The following CUL2 variants were observed in gnomAD, a reference collection of about 807,000 sequenced individuals.
CUL2 encodes the protein cullin 2.
Under a neutral mutation model 110.2 loss-of-function variants are expected in CUL2, and 22 were observed. The observed-to-expected ratio is 0.20, with a 90% CI of 0.14 to 0.28. CUL2 has a LOEUF of 0.28. Ranked by LOEUF, CUL2 falls within the 10% of genes least tolerant of loss-of-function variation. The pLI is 1.00. For missense variants in CUL2, 631 were observed against 905.5 expected (o/e 0.70, Z 3.89); for synonymous variants, 279 against 293.2 (o/e 0.95, Z 0.49).
intron 4 of CUL2, among the ~76,000 whole-genome samples, chr10:35,057,621 C>T (rs2086271607): frequency 6.7e-6 from 1 of 149,488 alleles, no homozygotes; most frequent in African/African-American, 2.5e-5. Context: ...CCACTGCACT[C>T]CAGCCTGGGC....
At chr10:35,015,550 T>C (rs550546969) in intron 18 of CUL2, among the ~76,000 whole-genome samples, 1 of 152,254 alleles carries the variant, frequency 6.6e-6, no homozygotes, top group South Asian at 2.1e-4. Context: ...AGCACAATAA[T>C]TTGAAGGAGA....
At chr10:35,120,184 G>A (rs920925014) in intron 1 of CUL2, 1 of 152,176 alleles carries the variant, frequency 6.6e-6, no homozygotes. Flanking sequence ...GAGTGAATCT[G>A]TACACAGAAA....
chr10:35,112,208 A>G (rs914462430), intron 1 of CUL2, among the ~76,000 whole-genome samples: 2 of 152,224 alleles, frequency 1.3e-5, no homozygotes. Context: ...AAATTTGTTG[A>G]ACTCTCGTCT....
chr10:35,045,545 CA>C lies in CUL2; in HGVS notation c.507-678del, dbSNP rs35223623. On this transcript the variant is annotated intron_variant, in intron 6 of 20. Transcript: ENST00000374749. ...CTGGGCAACATAGCAAGACCCCATA[CA>C]AAAAAAAAAAAAAAACAACTTAGCT... 2.5e-3 allele frequency among the ~76,000 whole-genome samples: 221 copies of C among 88,472 alleles called. 2 individuals carry two copies. The highest frequency in any genetic ancestry group is 0.011 in the South Asian group (29 of 2,524). 58.0% of individuals were successfully genotyped at this position (88,472 alleles called of 152,430 possible).
intron 1 of CUL2, among the ~76,000 whole-genome samples, chr10:35,075,635 AACACACACACACACACACACACAC>A (rs34714483): frequency 2.8e-5 from 4 of 140,894 alleles, no homozygotes; most frequent in Admixed American, 7.2e-5. Flanking sequence ...TGGGCCCTAA[AACACACACACACACACACACACAC>A]ACACACACAC....
At chr10:35,065,658 G>C (rs2086501114) in intron 2 of CUL2, among the ~76,000 whole-genome samples, 1 of 150,482 alleles carries the variant, frequency 6.6e-6, no homozygotes, top group African/African-American at 2.5e-5. Flanking sequence ...AAAAGAGATT[G>C]AGACCATCCT....
rs559115200 is a variant in CUL2 at position 35,064,961 on chromosome 10, T to C, written c.120-1899A>G. On this transcript the variant is annotated intron_variant, in intron 2 of 20. Transcript: ENST00000374749. Reference sequence around the variant, plus strand: ...AGGGAGACTCTCCCATTTCATTCCATATACAGTACTTCTGCACTGTTGGAC... The same window carrying C: ...AGGGAGACTCTCCCATTTCATTCCACATACAGTACTTCTGCACTGTTGGAC... 2.6e-5 allele frequency among the ~76,000 whole-genome samples: 4 copies of C among 152,374 alleles called. No homozygotes were observed. In the South Asian group the frequency reaches 8.3e-4, roughly 32 times the overall value.
At chr10:35,033,699 T>C (rs1424083663) in intron 10 of CUL2, among the ~76,000 whole-genome samples, 1 of 149,698 alleles carries the variant, frequency 6.7e-6, no homozygotes, top group Non-Finnish European at 1.5e-5. Context: ...ATCGCACCAC[T>C]GCACTCCAGC....
chr10:35,088,194 G>A (rs2087107968), intron 1 of CUL2, among the ~76,000 whole-genome samples: 1 of 152,140 alleles, frequency 6.6e-6, no homozygotes, highest in Non-Finnish European at 1.5e-5. Flanking sequence ...CAAGCCAGAA[G>A]TGACACTCCA....
intron 16 of CUL2, 42 bp from the exon 17 acceptor site, chr10:35,025,240 A>G: frequency 1.9e-6 from 3 of 1,539,838 alleles, no homozygotes; most frequent in South Asian, 2.5e-5. Context: ...TTTAGCTACT[A>G]TAACTTGCCT....
chr10:35,020,180 AT>A (rs1350194908), intron 17 of CUL2, among the ~76,000 whole-genome samples: 26 of 151,072 alleles, frequency 1.7e-4, no homozygotes, highest in Non-Finnish European at 2.8e-4. Flanking sequence ...AAAAAAAAAA[AT>A]AAATCACAAA....
intron 3 of CUL2, among the ~76,000 whole-genome samples, chr10:35,061,845 T>C (rs2086391631): frequency 6.6e-6 from 1 of 151,244 alleles, no homozygotes; most frequent in South Asian, 2.1e-4. Context: ...TGGCCTCATA[T>C]GATCCTCCTG....
At chr10:35,083,442 A>G (rs1483871440) in intron 1 of CUL2, among the ~76,000 whole-genome samples, 1 of 152,190 alleles carries the variant, frequency 6.6e-6, no homozygotes, top group African/African-American at 2.4e-5. Flanking sequence ...CCACAGTGGC[A>G]ATGGGCACAC....
At chr10:35,088,653 C>T (rs2087124241) in intron 1 of CUL2, among the ~76,000 whole-genome samples, 1 of 151,920 alleles carries the variant, frequency 6.6e-6, no homozygotes, top group Non-Finnish European at 1.5e-5. Flanking sequence ...AGGTCCATAA[C>T]GTTTAATCTA....
chr10:35,078,008 A>T (rs2086863434), intron 1 of CUL2, among the ~76,000 whole-genome samples: 1 of 152,042 alleles, frequency 6.6e-6, no homozygotes, highest in African/African-American at 2.4e-5. Context: ...AATTTTCCAT[A>T]ATAAAGGAAT....
intron 4 of CUL2, among the ~76,000 whole-genome samples, chr10:35,056,427 G>A (rs998897854): frequency 2.0e-5 from 3 of 152,200 alleles, no homozygotes; most frequent in African/African-American, 4.8e-5. Context: ...TAAGACAGAT[G>A]TATGTGGTAC....
chr10:35,077,026 A>G (rs2135020603), intron 1 of CUL2, among the ~76,000 whole-genome samples: 1 of 152,272 alleles, frequency 6.6e-6, no homozygotes. Flanking sequence ...AGAGAAATAC[A>G]ACATATTCAC....
intron 1 of CUL2, chr10:35,074,390 A>T: frequency 1.6e-6 from 1 of 641,220 alleles, no homozygotes; most frequent in Non-Finnish European, 2.8e-6. Flanking sequence ...CCTGATTCAT[A>T]CACTTGCCTT....
At chr10:35,093,253 T>C (rs2087241500), upstream of CUL2, among the ~76,000 whole-genome samples, 1 of 152,030 alleles carries the variant, frequency 6.6e-6, no homozygotes, top group Non-Finnish European at 1.5e-5. Context: ...CCTATGTGAC[T>C]GGCCTTGGGT....
Sources: gnomAD v4.1 joint callset for allele counts (sites outside exome capture counted in the v4.1 genomes callset) on GRCh38, gnomAD v4.1.1 for gene constraint, MANE v1.5 for transcripts, NCBI Gene and HGNC (gene_info 2026-07-23, HGNC 2026-07-21) for gene names.